CFAP299: variants seen among roughly 807,000 people sequenced by gnomAD.
CFAP299 encodes the protein cilia and flagella associated protein 299.
A neutral mutation model predicts 27.0 loss-of-function variants in CFAP299; 21 were observed. The observed-to-expected ratio is 0.78, with a 90% confidence interval of 0.55 to 1.12. The LOEUF (loss-of-function observed/expected upper bound fraction) is 1.12. Ranked by LOEUF, CFAP299 falls within the 50% of genes most tolerant of loss-of-function variation. The pLI is 0.00. For synonymous variants in CFAP299, 104 were observed against 98.1 expected, an observed-to-expected ratio of 1.06 and a Z score of -0.36; for missense variants, 310 against 276.6, an observed-to-expected ratio of 1.12 and a Z score of -0.86.
At chr4:80,442,973 C>T (rs1293874678) in intron 2 of CFAP299, among the ~76,000 whole-genome samples, 1 of 152,070 alleles carries the variant, frequency 6.6e-6, no homozygotes, top group Non-Finnish European at 1.5e-5. Context: ...TACACACTCC[C>T]AAGACTAAAC....
chr4:80,848,166 A>G (rs1731286529), intron 3 of CFAP299, among the ~76,000 whole-genome samples: 1 of 151,974 alleles, frequency 6.6e-6, no homozygotes, highest in Admixed American at 6.6e-5. Context: ...AGCTGAGATC[A>G]TGCCACTGCA....
intron 3 of CFAP299, among the ~76,000 whole-genome samples, chr4:80,763,742 T>C (rs889908294): frequency 2.6e-5 from 4 of 152,126 alleles, no homozygotes; most frequent in Non-Finnish European, 5.9e-5. Flanking sequence ...AGCATGGTAC[T>C]GGTACCAAAA....
intron 3 of CFAP299, among the ~76,000 whole-genome samples, chr4:80,791,324 G>A (rs941038066): frequency 6.6e-6 from 1 of 151,772 alleles, no homozygotes; most frequent in Non-Finnish European, 1.5e-5. Flanking sequence ...TTCTTAGCTG[G>A]GTAAACTTGG....
In CFAP299 at chr4:80,680,734, G is replaced by T. The variant is rs567290628; in HGVS notation, c.333+97551G>T. On this transcript the variant is annotated intron_variant, in intron 3 of 5. Coordinates refer to ENST00000358105, the MANE Select transcript of CFAP299 (RefSeq NM_152770.3). ...TCTAAATTCCTTTAACCTTCATTTA[G>T]CATTATTAAGGCCCAGGCAAGGAAA... Among the ~76,000 whole-genome samples the T allele has an allele frequency of 2.0e-5, 3 of 152,236 alleles. No individual in the cohort carries two copies. In the South Asian group the frequency reaches 6.2e-4, roughly 32 times the overall value.
At chr4:80,859,703 A>C (rs560237806) in intron 3 of CFAP299, among the ~76,000 whole-genome samples, 16 of 152,284 alleles carry the variant, frequency 1.1e-4, no homozygotes, top group African/African-American at 3.4e-4. Flanking sequence ...TTCTCGGTTG[A>C]AAATTCTTTT....
chr4:80,941,986 AT>A (rs1174150950), intron 4 of CFAP299, among the ~76,000 whole-genome samples: 1 of 152,148 alleles, frequency 6.6e-6, no homozygotes, highest in Non-Finnish European at 1.5e-5. Flanking sequence ...TCAACATGAG[AT>A]TTGGGAAGGG....
intron 2 of CFAP299, among the ~76,000 whole-genome samples, chr4:80,465,519 G>A (rs985817202): frequency 7.2e-5 from 11 of 152,090 alleles, no homozygotes; most frequent in Non-Finnish European, 1.2e-4. Flanking sequence ...TGTGGGGAGC[G>A]GTGAGGGACC....
intron 2 of CFAP299, among the ~76,000 whole-genome samples, chr4:80,462,104 A>G (rs1312023226): frequency 6.6e-6 from 1 of 152,154 alleles, no homozygotes; most frequent in Non-Finnish European, 1.5e-5. Flanking sequence ...TGGATCCCCA[A>G]CACTTAGTGC....
At chr4:80,953,706 A>C (rs1010934433) in intron 5 of CFAP299, among the ~76,000 whole-genome samples, 6 of 152,210 alleles carry the variant, frequency 3.9e-5, no homozygotes, top group Admixed American at 2.6e-4. Context: ...CTGTAACACA[A>C]GAAATGTAAG....
rs374789630 is a variant in CFAP299, at chr4:80,894,457, C to A, written c.476+24322C>A. Among the ~76,000 whole-genome samples the A allele has an allele frequency of 1.2e-4, 19 of 152,090 alleles. 1 individual carries two copies. In the South Asian group the frequency reaches 1.5e-3, roughly 12 times the overall value. The stretch of plus-strand genomic sequence containing the variant: ...ATATAAGCATTCCAAGAGAAGTTAA[C>A]CATTACTGCCAATTGCTGAAGTCCC... On this transcript the variant is annotated intron_variant, in intron 4 of 5. Coordinates refer to ENST00000358105, the MANE Select transcript of CFAP299 (RefSeq NM_152770.3).
At chr4:80,552,874 TG>T (rs1734593975) in intron 2 of CFAP299, among the ~76,000 whole-genome samples, 1 of 152,074 alleles carries the variant, frequency 6.6e-6, no homozygotes, top group Non-Finnish European at 1.5e-5. Context: ...TTTTTAGAGA[TG>T]GGGGCGCTCA....
chr4:80,359,123 C>G (rs1205799015), intron 1 of CFAP299, among the ~76,000 whole-genome samples: 4 of 152,028 alleles, frequency 2.6e-5, no homozygotes, highest in African/African-American at 9.7e-5. Context: ...ATTTTCTTTT[C>G]TTTAAGAATG....
chr4:80,717,655 G>A (rs76247742), intron 3 of CFAP299, among the ~76,000 whole-genome samples: 3,312 of 152,094 alleles, frequency 0.022, 140 homozygotes, highest in African/African-American at 0.075. Flanking sequence ...ATGAAAACAA[G>A]AATGACTGTA....
chr4:80,591,548 A>G (rs1442154019), intron 3 of CFAP299, among the ~76,000 whole-genome samples: 3 of 152,142 alleles, frequency 2.0e-5, no homozygotes, highest in East Asian at 3.9e-4. Flanking sequence ...CAGGTGCCCT[A>G]GAGACCATGG....
chr4:80,363,019 C>G (rs1415042497), intron 2 of CFAP299, 135 bp downstream of exon 2: 46 of 972,636 alleles, frequency 4.7e-5, no homozygotes, highest in Non-Finnish European at 6.2e-5. Context: ...AGCATTTGTT[C>G]TGCAGATGAG....
intron 3 of CFAP299, among the ~76,000 whole-genome samples, chr4:80,676,855 A>G (rs1719493452): frequency 6.6e-6 from 1 of 151,938 alleles, no homozygotes; most frequent in African/African-American, 2.4e-5. Context: ...TTATGTTAGT[A>G]TAGTTAGTTT....
At chr4:80,597,305 T>A (rs990734588) in intron 3 of CFAP299, among the ~76,000 whole-genome samples, 6 of 152,204 alleles carry the variant, frequency 3.9e-5, no homozygotes, top group Non-Finnish European at 7.4e-5. Context: ...TAAATTTGCA[T>A]TTATATGATT....
At chr4:80,664,993 C>T (rs570832604) in intron 3 of CFAP299, among the ~76,000 whole-genome samples, 2 of 152,236 alleles carry the variant, frequency 1.3e-5, no homozygotes, top group African/African-American at 4.8e-5. Context: ...AGTTCTCTGA[C>T]CCCTTGCACT....
chr4:80,565,046 A>G (rs1272648334), intron 2 of CFAP299, among the ~76,000 whole-genome samples: 1 of 152,050 alleles, frequency 6.6e-6, no homozygotes, highest in East Asian at 1.9e-4. Flanking sequence ...TGGGACTACA[A>G]AATGGCACAA....
Sources: allele counts gnomAD v4.1 joint callset (sites outside exome capture counted in the v4.1 genomes callset), GRCh38; gene constraint gnomAD v4.1.1; transcripts MANE v1.5; gene names NCBI Gene and HGNC (gene_info 2026-07-23, HGNC 2026-07-21).